Variants in PSD3 observed in about 807,000 individuals in gnomAD.
The protein encoded by PSD3 is PH and SEC7 domain-containing protein 3.
In PSD3, 49 loss-of-function variants were observed where a neutral mutation model predicts 105.5. The ratio of observed to expected loss-of-function variants is 0.46; its 90% confidence interval spans 0.37 to 0.59. The LOEUF (loss-of-function observed/expected upper bound fraction) is 0.59, where lower values mean the gene tolerates loss of function less well. Ranked by LOEUF, PSD3 falls within the 20% of genes least tolerant of loss-of-function variation. The pLI, the probability that PSD3 is intolerant of heterozygous loss-of-function variation, is 0.00. For synonymous variants in PSD3, 557 were observed against 457.8 expected (o/e 1.22, Z -2.77); for missense variants, 1,561 against 1,263.8 (o/e 1.24, Z -3.57).
chr8:18,562,626 C>T (rs1979599), intron 14 of PSD3, among the ~76,000 whole-genome samples: 84,024 of 151,994 alleles, frequency 0.55, 23,452 homozygotes, highest in Non-Finnish European at 0.61. Flanking sequence ...TGGTGACTCA[C>T]ACCTGTAATC....
chr8:18,561,550 A>T (rs1364518313), intron 14 of PSD3, among the ~76,000 whole-genome samples: 1 of 152,204 alleles, frequency 6.6e-6, no homozygotes, highest in East Asian at 1.9e-4. Flanking sequence ...CATGATGGCT[A>T]GAGTTCATAA....
intron 1 of PSD3, among the ~76,000 whole-genome samples, chr8:19,074,417 T>G (rs1429939818): frequency 6.6e-6 from 1 of 151,906 alleles, no homozygotes; most frequent in Non-Finnish European, 1.5e-5. Flanking sequence ...AGGTCCAGAT[T>G]TTCTAATCCG....
chr8:18,994,412 C>G (rs1411733828), intron 1 of PSD3, among the ~76,000 whole-genome samples: 1 of 152,006 alleles, frequency 6.6e-6, no homozygotes, highest in East Asian at 1.9e-4. Flanking sequence ...TGCCTCACTA[C>G]AGCAAATCAT....
intron 9 of PSD3, among the ~76,000 whole-genome samples, chr8:18,719,371 T>C (rs943115454): frequency 6.6e-6 from 1 of 152,226 alleles, no homozygotes; most frequent in African/African-American, 2.4e-5. Context: ...CTTTATTCCA[T>C]GTTTTAGAGA....
chr8:18,883,273 C>G (rs1357724780), intron 2 of PSD3, among the ~76,000 whole-genome samples: 1 of 152,164 alleles, frequency 6.6e-6, no homozygotes, highest in East Asian at 1.9e-4. Flanking sequence ...TGCCTCCTAA[C>G]TCAGAGGTCC....
intron 8 of PSD3, among the ~76,000 whole-genome samples, chr8:18,785,211 A>G (rs1809025663): frequency 6.6e-6 from 1 of 152,136 alleles, no homozygotes; most frequent in Non-Finnish European, 1.5e-5. Context: ...TATTGATTGG[A>G]AGTGTTTTAT....
intron 10 of PSD3, among the ~76,000 whole-genome samples, chr8:18,642,145 A>G (rs1218945228): frequency 6.6e-6 from 1 of 152,228 alleles, no homozygotes; most frequent in South Asian, 2.1e-4. Flanking sequence ...GACCATATGT[A>G]CAATGACTGT....
At chr8:18,816,427 A>C (rs541931385) in intron 4 of PSD3, among the ~76,000 whole-genome samples, 1 of 152,344 alleles carries the variant, frequency 6.6e-6, no homozygotes, top group African/African-American at 2.4e-5. Flanking sequence ...CAGCCTCTTA[A>C]CTAATAAGCT....
At chr8:18,757,849 A>G (rs1806186973) in intron 9 of PSD3, among the ~76,000 whole-genome samples, 2 of 152,192 alleles carry the variant, frequency 1.3e-5, no homozygotes, top group South Asian at 4.1e-4. Flanking sequence ...ATACTGTTAT[A>G]TAGTTATTTC....
At chr8:18,879,577 A>G (rs1817982606) in intron 2 of PSD3, among the ~76,000 whole-genome samples, 1 of 151,924 alleles carries the variant, frequency 6.6e-6, no homozygotes, top group Non-Finnish European at 1.5e-5. Flanking sequence ...GTGAGAGATC[A>G]TCATTCATCA....
intron 2 of PSD3, among the ~76,000 whole-genome samples, chr8:18,928,591 C>A (rs1821526122): frequency 6.6e-6 from 1 of 152,010 alleles, no homozygotes; most frequent in Non-Finnish European, 1.5e-5. Context: ...ATGAAGTGTC[C>A]AGAATAAGAA....
intron 1 of PSD3, among the ~76,000 whole-genome samples, chr8:19,061,289 T>C (rs898050286): frequency 1.1e-4 from 16 of 152,094 alleles, no homozygotes; most frequent in Non-Finnish European, 2.2e-4. Context: ...GTCAAGATCC[T>C]TATAATTAGA....
rs1005722173 is a variant in PSD3 at position 18,959,497 on chromosome 8, G to C, written c.22-23355C>G. Among the ~76,000 whole-genome samples the C allele has an allele frequency of 2.6e-4, 40 of 152,038 alleles. 1 individual carries two copies. Among genetic ancestry groups the C allele is most frequent in the Admixed American group, 2.0e-4 (3 of 15,264 alleles). On this transcript the variant is annotated intron_variant, in intron 1 of 15. Transcript: ENST00000327040. ...CTCTAGCTCTGCACATCTGACTCCA[G>C]TCTCCTATTCCAACTTTCTCTCTCA...
chr8:18,984,247 T>C (rs1021194175), intron 1 of PSD3, among the ~76,000 whole-genome samples: 3 of 151,014 alleles, frequency 2.0e-5, no homozygotes, highest in African/African-American at 7.3e-5. Context: ...AAACAAGCTA[T>C]GCCTACATGT....
intron 8 of PSD3, among the ~76,000 whole-genome samples, chr8:18,776,678 GTTC>G (rs1808125109): frequency 6.6e-6 from 1 of 152,072 alleles, no homozygotes; most frequent in African/African-American, 2.4e-5. Context: ...ATCTGGCCTG[GTTC>G]TTCTTTAAAT....
intron 9 of PSD3, among the ~76,000 whole-genome samples, chr8:18,731,842 G>C (rs1357647745): frequency 6.6e-6 from 1 of 152,104 alleles, no homozygotes; most frequent in Non-Finnish European, 1.5e-5. Flanking sequence ...TGGAGTGTCT[G>C]GGTCTTTGCT....
intron 4 of PSD3, among the ~76,000 whole-genome samples, chr8:18,832,099 A>G (rs1813725246): frequency 6.6e-6 from 1 of 152,128 alleles, no homozygotes; most frequent in African/African-American, 2.4e-5. Flanking sequence ...TTTTCCTCCA[A>G]CTGCCTTTTT....
chr8:18,729,223 G>A (rs550296903), intron 9 of PSD3, among the ~76,000 whole-genome samples: 4 of 152,014 alleles, frequency 2.6e-5, no homozygotes, highest in African/African-American at 4.8e-5. Context: ...TGAACCACAC[G>A]TCCCCCACAA....
chr8:18,698,022 T>G (rs373529617), intron 9 of PSD3, among the ~76,000 whole-genome samples: 30 of 152,166 alleles, frequency 2.0e-4, no homozygotes, highest in Non-Finnish European at 2.9e-4. Flanking sequence ...AAAAGAGAAT[T>G]TGCAGATGTG....
Sources: allele counts gnomAD v4.1 joint callset (sites outside exome capture counted in the v4.1 genomes callset), GRCh38; gene constraint gnomAD v4.1.1; transcripts MANE v1.5; gene names NCBI Gene and HGNC (gene_info 2026-07-23, HGNC 2026-07-21).